Variants in PSD2 observed in about 807,000 individuals in gnomAD.
PSD2 encodes the protein pleckstrin and Sec7 domain containing 2.
A neutral mutation model predicts 69.8 loss-of-function variants in PSD2; 38 were observed. The observed-to-expected ratio is 0.54, with a 90% confidence interval of 0.42 to 0.71. The LOEUF (loss-of-function observed/expected upper bound fraction) is 0.71, where lower values mean the gene tolerates loss of function less well. PSD2 is among the 30% of genes least tolerant of loss of function. The pLI is 0.00. For synonymous variants in PSD2, 412 were observed against 423.0 expected, an observed-to-expected ratio of 0.97 and a Z score of 0.32; for missense variants, 943 against 1,014.5, an observed-to-expected ratio of 0.93 and a Z score of 0.96.
chr5:139,820,653 A>G (rs188466604), intron 5 of PSD2, among the ~76,000 whole-genome samples: 1 of 152,278 alleles, frequency 6.6e-6, no homozygotes, highest in Admixed American at 6.5e-5. Context: ...TGAACTCAAG[A>G]CTGATGGAGA....
rs751591620 is a variant in PSD2, at chr5:139,837,782, C to T, written c.1823C>T (p.Pro608Leu). The change falls in exon 12 of 15, where the codon CCG (proline) becomes CTG (leucine). Residue 608 changes from proline (P) to leucine (L), a missense_variant and splice_region_variant. Pro to Leu is a moderately conservative substitution (Grantham distance 98). Around this residue, in one of 3 missense-constraint regions of PSD2, gnomAD observed 312 missense variants for 400.7 expected, o/e 0.78. Coordinates refer to ENST00000274710, the MANE Select transcript of PSD2 (RefSeq NM_032289.4). The surrounding 1 kb of genome is among the most constrained non-coding windows in gnomAD (Gnocchi z 5.0). ...ADWRVFLFQAPSKEEMLSWIL... is the reference protein window; with the variant it reads ...ADWRVFLFQALSKEEMLSWIL... The stretch of plus-strand genomic sequence containing the variant: ...TGGAGGGTATTCCTCTTCCAGGCAC[C>T]GTGAGTAGGAGCTGGAGCCCTTCAC... 15 of 1,606,970 alleles carry T rather than the reference C, an allele frequency of 9.3e-6. No homozygotes were observed. Among genetic ancestry groups the T allele is most frequent in the Middle Eastern group, 1.7e-4 (1 of 6,052 alleles).
the PSD2 span, among the ~76,000 whole-genome samples, chr5:139,749,246 C>T: frequency 1.2e-4 from 19 of 152,174 alleles, no homozygotes; most frequent in African/African-American, 4.6e-4. Context: ...GAAGTTCAGC[C>T]CCAGGTTACT....
intron 7 of PSD2, among the ~76,000 whole-genome samples, chr5:139,830,855 A>T (rs1485955514): frequency 1.3e-4 from 17 of 125,962 alleles, no homozygotes; most frequent in Non-Finnish European, 1.3e-4. Context: ...TATTGATTCA[A>T]TCTCTTTACT....
the PSD2 span, among the ~76,000 whole-genome samples, chr5:139,790,368 G>T: frequency 1.3e-5 from 2 of 152,054 alleles, no homozygotes; most frequent in Non-Finnish European, 2.9e-5. Flanking sequence ...AGGTGGAAAG[G>T]TCCAGGTTGG....
intron 7 of PSD2, 66 bp downstream of exon 7, chr5:139,822,850 G>C: frequency 2.1e-6 from 3 of 1,400,226 alleles, no homozygotes; most frequent in Middle Eastern, 2.1e-4. Context: ...GTTGATCCCG[G>C]CCCCTTCCTG....
At chr5:139,779,784 A>G in the PSD2 span, among the ~76,000 whole-genome samples, 1 of 151,228 alleles carries the variant, frequency 6.6e-6, no homozygotes, top group African/African-American at 2.4e-5. Flanking sequence ...TGCAGTATCT[A>G]CTCTTTTTAC....
At chr5:139,807,118 C>G (rs1173142030) in intron 1 of PSD2, among the ~76,000 whole-genome samples, 1 of 152,218 alleles carries the variant, frequency 6.6e-6, no homozygotes, top group Non-Finnish European at 1.5e-5. Context: ...AGTGAAGCTG[C>G]TGATACTCTT....
upstream of PSD2, among the ~76,000 whole-genome samples, chr5:139,794,019 T>C (rs1044443992): frequency 6.6e-5 from 10 of 152,182 alleles, no homozygotes; most frequent in African/African-American, 2.4e-4. Flanking sequence ...CTTCTCTGCC[T>C]ACAGGTAGCA....
At chr5:139,815,282 G>T (rs1030622183) in intron 4 of PSD2, among the ~76,000 whole-genome samples, 1 of 151,998 alleles carries the variant, frequency 6.6e-6, no homozygotes, top group Non-Finnish European at 1.5e-5. Flanking sequence ...CAACTCGGAT[G>T]CCCTCACCTG....
chr5:139,806,522 A>T (rs1233042287), intron 1 of PSD2, among the ~76,000 whole-genome samples: 1 of 152,196 alleles, frequency 6.6e-6, no homozygotes, highest in Non-Finnish European at 1.5e-5. Flanking sequence ...ATGGCGGTAG[A>T]AAGGGTGGAG....
chr5:139,760,338 C>T, the PSD2 span, among the ~76,000 whole-genome samples: 2 of 152,220 alleles, frequency 1.3e-5, no homozygotes, highest in Non-Finnish European at 2.9e-5. Flanking sequence ...AGCTCTCTGT[C>T]TTCCAGGGTG....
Position 139,809,589 on chromosome 5 carries a change from G to A in PSD2, c.149G>A (p.Arg50Gln), listed in dbSNP as rs147071263. ...AGCCTCTGCAGCCCAGGGCACGAGC[G>A]AAGGGGCACCCCAGCGGACACTGAG... ...NSSLCSPGHE[R>Q]RGTPADTEEP... The change falls in exon 2 of 15, where the codon CGA becomes CAA. Residue 50 changes from arginine (R) to glutamine (Q), a missense_variant. Around this residue, in one of 3 missense-constraint regions of PSD2, gnomAD observed 466 missense variants for 445.0 expected, o/e 1.05. Transcript: ENST00000274710. The A allele has an allele frequency of 7.2e-5, 116 of 1,614,224 alleles. 1 individual carries two copies. The African/African-American group carries it at 1.1e-3, about 15-fold the overall frequency.
Position 139,839,329 on chromosome 5 carries a change from G to A in PSD2, c.1968+557G>A, listed in dbSNP as rs1459882712. On this transcript the variant is annotated intron_variant, in intron 13 of 14. Coordinates refer to ENST00000274710, the MANE Select transcript of PSD2 (RefSeq NM_032289.4). The surrounding 1 kb of genome is among the most constrained non-coding windows in gnomAD (Gnocchi z 5.1). ...CCTTTCCCACTAGGCCTTGTCCCGG[G>A]TCACCCCACTGAGCTCCTGGGCTCC... Among the ~76,000 whole-genome samples the A allele has an allele frequency of 2.0e-5, 3 of 152,228 alleles. No individual in the cohort carries two copies. The highest frequency in any genetic ancestry group is 4.8e-5 in the African/African-American group (2 of 41,448).
intron 1 of PSD2, among the ~76,000 whole-genome samples, chr5:139,797,631 TGA>T (rs1420853253): frequency 6.6e-6 from 1 of 152,102 alleles, no homozygotes; most frequent in African/African-American, 2.4e-5. Context: ...TAGACAGGAC[TGA>T]GAGAGAGAGT....
Position 139,838,744 on chromosome 5 carries a change from T to C in PSD2, c.1940T>C (p.Leu647Pro). ...SSMKKFCRPL[L>P]PSCTTRLCQE... ...ATGAAGAAGTTCTGTCGGCCCCTGC[T>C]GCCCTCCTGCACCACCCGCCTCTGC... Residue 647 changes from leucine to proline, a missense_variant, in exon 13 of 15, where the codon CTG becomes CCG. This residue lies in a region of PSD2 where 165 missense variants were observed against 168.8 expected (regional missense o/e 0.98). Transcript: ENST00000274710. 6.2e-7 allele frequency: 1 copy of C among 1,613,552 alleles called. No individual in the cohort carries two copies. Among genetic ancestry groups the C allele is most frequent in the Non-Finnish European group, 8.5e-7 (1 of 1,179,906 alleles).
Position 139,842,341 on chromosome 5 carries a change from G to T in PSD2, c.2183G>T (p.Arg728Leu). 6.2e-7 allele frequency: 1 copy of T among 1,614,170 alleles called. No individual in the cohort carries two copies. The highest frequency in any genetic ancestry group is 8.5e-7 in the Non-Finnish European group (1 of 1,180,028). The change falls in exon 15 of 15, where the codon CGG becomes CTG. Residue 728 changes from arginine (R) to leucine (L), a missense_variant. By Grantham distance (102) the Arg-to-Leu change is moderately radical. Around this residue, in one of 3 missense-constraint regions of PSD2, gnomAD observed 165 missense variants for 168.8 expected, o/e 0.98. Coordinates refer to ENST00000274710, the MANE Select transcript of PSD2 (RefSeq NM_032289.4). The stretch of plus-strand genomic sequence containing the variant: ...AAAGTGGGCTCAGATGATCTGGAGC[G>T]GATTGAGGCCCGGCTGGCCACTCTG... ...KIKVGSDDLE[R>L]IEARLATLEG...
chr5:139,817,706 G>T, intron 5 of PSD2, 145 bp downstream of exon 5: 1 of 670,774 alleles, frequency 1.5e-6, no homozygotes, highest in South Asian at 1.8e-5. Context: ...GGCCACAGGA[G>T]CAGCAGCGGC....
At chr5:139,802,554 T>A (rs191464384) in intron 1 of PSD2, among the ~76,000 whole-genome samples, 1 of 151,474 alleles carries the variant, frequency 6.6e-6, no homozygotes, top group Non-Finnish European at 1.5e-5. Flanking sequence ...CCCTCCGAAG[T>A]TGGAGGAAGG....
the PSD2 span, among the ~76,000 whole-genome samples, chr5:139,787,280 G>A: frequency 1.3e-5 from 2 of 152,200 alleles, no homozygotes; most frequent in Non-Finnish European, 2.9e-5. Context: ...TGCAGGCTAA[G>A]CTGAGATGGA....
Sources: gnomAD v4.1 joint callset for allele counts (sites outside exome capture counted in the v4.1 genomes callset) on GRCh38, gnomAD v4.1.1 for gene constraint, gnomAD v4.1.1 regional missense constraint, Gnocchi (gnomAD v3.1) non-coding constraint, MANE v1.5 for transcripts, NCBI Gene and HGNC (gene_info 2026-07-23, HGNC 2026-07-21) for gene names.